TEX14: variants seen among roughly 807,000 people sequenced by gnomAD.
TEX14 encodes the protein inactive serine/threonine-protein kinase TEX14.
Under a neutral mutation model 178.6 loss-of-function variants are expected in TEX14, and 168 were observed. The observed-to-expected ratio is 0.94, with a 90% CI of 0.83 to 1.07. TEX14 has a LOEUF of 1.07. TEX14 is among the 50% of genes least tolerant of loss of function. The pLI is 0.00. For missense variants in TEX14, 1,730 were observed against 1,753.6 expected (o/e 0.99, Z 0.24); for synonymous variants, 626 against 634.1 (o/e 0.99, Z 0.19).
intron 2 of TEX14, among the ~76,000 whole-genome samples, chr17:58,637,095 T>G (rs995589139): frequency 6.6e-6 from 1 of 150,524 alleles, no homozygotes; most frequent in Non-Finnish European, 1.5e-5. Flanking sequence ...GGCATGATGG[T>G]GGGCGCCTGT....
chr17:58,588,109 G>C (rs2045027188), intron 15 of TEX14, 88 bp from the exon 16 acceptor site: 5 of 671,232 alleles, frequency 7.4e-6, no homozygotes, highest in Non-Finnish European at 1.1e-5. Context: ...AGTGCTCTTG[G>C]GAGATTTTCA....
At chr17:58,637,562 G>C (rs766899514) in intron 2 of TEX14, among the ~76,000 whole-genome samples, 2 of 152,196 alleles carry the variant, frequency 1.3e-5, no homozygotes, top group Non-Finnish European at 2.9e-5. Context: ...AACCCAAAAG[G>C]ACTGGGTTGG....
At chr17:58,622,276 T>C (rs1247622826) in intron 4 of TEX14, among the ~76,000 whole-genome samples, 1 of 152,088 alleles carries the variant, frequency 6.6e-6, no homozygotes, top group Admixed American at 6.6e-5. Context: ...AGAAACCCCG[T>C]CTTTACTCAA....
intron 1 of TEX14, among the ~76,000 whole-genome samples, chr17:58,656,841 T>C (rs1158297589): frequency 7.0e-6 from 1 of 143,114 alleles, no homozygotes; most frequent in Non-Finnish European, 1.5e-5. Flanking sequence ...AAGAATCACT[T>C]GAACCTGGGA....
chr17:58,601,781 C>T (rs200478029), intron 13 of TEX14, 25 bp downstream of exon 13: 1 of 1,605,514 alleles, frequency 6.2e-7, no homozygotes, highest in African/African-American at 1.3e-5. Flanking sequence ...GTCAAACTAA[C>T]ACAACCTGTG....
rs147291603 is a variant in TEX14, at chr17:58,689,754, A to G, written c.-2+2185T>C. ...CTAGTGCGTGGTTTCAAAAACCTGG[A>G]TCCCAGTTTGAAAGCATGACTACAG... On this transcript the variant is annotated intron_variant, in intron 1 of 31. Transcript: ENST00000349033. 5.2e-3 allele frequency among the ~76,000 whole-genome samples: 788 copies of G among 152,204 alleles called. 16 individuals carry two copies. The highest frequency in any genetic ancestry group is 2.9e-3 in the Non-Finnish European group (200 of 68,014).
intron 2 of TEX14, among the ~76,000 whole-genome samples, chr17:58,645,427 C>T (rs965476127): frequency 6.6e-6 from 1 of 151,886 alleles, no homozygotes; most frequent in Non-Finnish European, 1.5e-5. Flanking sequence ...GGCGCGATCT[C>T]GGCTCACTGC....
In TEX14 at chr17:58,611,190, C is replaced by T. The variant is rs760376496; in HGVS notation, c.1155G>A (p.Arg385=). 8 of 1,613,852 alleles carry T rather than the reference C, an allele frequency of 5.0e-6. No individual in the cohort carries two copies. The highest frequency in any genetic ancestry group is 5.9e-6 in the Non-Finnish European group (7 of 1,179,942). The change falls in exon 10 of 32, where the codon AGG becomes AGA. Residue 385 remains arginine (R), a synonymous_variant. Coordinates refer to ENST00000349033, the MANE Select transcript of TEX14 (RefSeq NM_031272.5). ...AVHIISPGEA[R]LTNLEYMLES... is the part of the protein sequence containing the mutation. ...CCAACATGTACTCCAGGTTGGTCAG[C>T]CTCGCTTCACCTGGGGAGATGATAT... is the stretch of plus-strand genomic sequence containing the variant.
intron 1 of TEX14, among the ~76,000 whole-genome samples, chr17:58,667,746 A>G (rs549264189): frequency 6.6e-6 from 1 of 152,166 alleles, no homozygotes; most frequent in South Asian, 2.1e-4. Flanking sequence ...TTAGCCGGGC[A>G]TGGTGGCAAG....
chr17:58,605,428 T>C (rs568073299), intron 10 of TEX14, among the ~76,000 whole-genome samples: 1 of 152,296 alleles, frequency 6.6e-6, no homozygotes, highest in Admixed American at 6.5e-5. Flanking sequence ...TTAATCAACA[T>C]ACTACATTTG....
intron 18 of TEX14, 68 bp from the exon 19 acceptor site, chr17:58,584,668 A>C (rs2044909309): frequency 1.6e-6 from 2 of 1,278,792 alleles, no homozygotes; most frequent in African/African-American, 2.9e-5. Flanking sequence ...AAGAGGATAA[A>C]GGTGGCATGA....
chr17:58,572,766 C>T (rs1214860766), intron 23 of TEX14, among the ~76,000 whole-genome samples: 1 of 151,950 alleles, frequency 6.6e-6, no homozygotes, highest in Non-Finnish European at 1.5e-5. Flanking sequence ...TTTTTTAAAC[C>T]ACAAATATAT....
chr17:58,660,130 C>A (rs1000294358), intron 1 of TEX14, among the ~76,000 whole-genome samples: 1 of 151,086 alleles, frequency 6.6e-6, no homozygotes, highest in South Asian at 2.1e-4. Flanking sequence ...TTAGGCCAGG[C>A]GCGGTGGCTC....
rs1598432649 is a variant in TEX14 at position 58,670,775 on chromosome 17, A to C, written c.-1-18773T>G. Among the ~76,000 whole-genome samples, 12 of 146,958 alleles carry C rather than the reference A, an allele frequency of 8.2e-5. 2 individuals are homozygous for C. The highest frequency in any genetic ancestry group is 2.5e-4 in the African/African-American group (10 of 40,396). On this transcript the variant is annotated intron_variant, in intron 1 of 31. Coordinates refer to ENST00000349033, the MANE Select transcript of TEX14 (RefSeq NM_031272.5). ...GCGACAGAGTGAGACTCCCTCTTAA[A>C]AAAAAAAAAAAAAAAAAAAAAAAAA...
intron 1 of TEX14, chr17:58,661,172 GTAA>G (rs767516004): frequency 1.4e-5 from 11 of 807,460 alleles, no homozygotes; most frequent in African/African-American, 3.4e-5. Flanking sequence ...AGCCGTGGAG[GTAA>G]TAGCACCGTG....
At chr17:58,576,622 A>T (rs996088998) in intron 21 of TEX14, among the ~76,000 whole-genome samples, 3 of 152,216 alleles carry the variant, frequency 2.0e-5, no homozygotes, top group African/African-American at 7.2e-5. Flanking sequence ...AAGATACAGA[A>T]CATTTCTACT....
chr17:58,573,017 C>T (rs763056841), intron 23 of TEX14, among the ~76,000 whole-genome samples, 164 bp downstream of exon 23: 28 of 152,260 alleles, frequency 1.8e-4, no homozygotes, highest in Non-Finnish European at 3.2e-4. Context: ...ACCATCACCC[C>T]GCCCCCTGGC....
chr17:58,667,392 C>T (rs2047232153), intron 1 of TEX14, among the ~76,000 whole-genome samples: 2 of 152,162 alleles, frequency 1.3e-5, no homozygotes. Context: ...AATACATTAA[C>T]GAACAGCTTA....
At chr17:58,685,278 A>G (rs1352453982) in intron 1 of TEX14, among the ~76,000 whole-genome samples, 1 of 151,894 alleles carries the variant, frequency 6.6e-6, no homozygotes, top group African/African-American at 2.4e-5. Flanking sequence ...TACTAAAAAA[A>G]TACAAAAATT....
Sources: allele counts gnomAD v4.1 joint callset (sites outside exome capture counted in the v4.1 genomes callset), GRCh38; gene constraint gnomAD v4.1.1; transcripts MANE v1.5; gene names NCBI Gene and HGNC (gene_info 2026-07-23, HGNC 2026-07-21).